Variants in LYST observed in about 807,000 individuals in gnomAD.
The protein encoded by LYST is lysosomal-trafficking regulator.
A neutral mutation model predicts 413.6 loss-of-function variants in LYST; 192 were observed. The observed-to-expected ratio is 0.46, with a 90% CI of 0.41 to 0.52. The LOEUF (loss-of-function observed/expected upper bound fraction) is 0.52, where lower values mean the gene tolerates loss of function less well. Among genes scored for constraint, LYST ranks in the 20% least tolerant of loss-of-function variants. The probability of loss-of-function intolerance (pLI) is 0.00; values close to 1 mark genes in which losing one functional copy is unlikely to be tolerated. For missense variants in LYST, 3,815 were observed against 4,499.9 expected (o/e 0.85, Z 4.35); for synonymous variants, 1,525 against 1,567.3 (o/e 0.97, Z 0.64).
rs552349495 is a variant in LYST at position 235,671,855 on chromosome 1, C to T, written c.11038+5236G>A. 1.6e-4 allele frequency among the ~76,000 whole-genome samples: 24 copies of T among 152,236 alleles called. No homozygotes were observed. In the South Asian group the frequency reaches 4.8e-3, roughly 30 times the overall value. ...CGATTTACCTTTATGAAATATAGAG[C>T]TACAGTGTGAAAGTTAGACTGAAAA... On this transcript the variant is annotated intron_variant, in intron 50 of 52. Coordinates refer to ENST00000389793, the MANE Select transcript of LYST (RefSeq NM_000081.4).
intron 50 of LYST, among the ~76,000 whole-genome samples, chr1:235,673,289 C>A (rs995932114): frequency 1.3e-4 from 20 of 152,052 alleles, no homozygotes; most frequent in African/African-American, 4.1e-4. Flanking sequence ...AAGTCAAGCT[C>A]ACCCCAAAAT....
rs1172802929 is a variant in LYST at position 235,664,657 on chromosome 1, T to C, written c.11039-36A>G. On this transcript the variant is annotated intron_variant, in intron 50 of 52. Coordinates refer to ENST00000389793, the MANE Select transcript of LYST (RefSeq NM_000081.4). The surrounding 1 kb of genome is among the most constrained non-coding windows in gnomAD (Gnocchi z 4.5). ...CAAATCATCCGGCGGGTTACCAGAA[T>C]GTGGCTGTCTCAGAGCCCACATTTG... The C allele has an allele frequency of 6.2e-7, 1 of 1,612,810 alleles. No individual in the cohort carries two copies. The highest frequency in any genetic ancestry group is 1.1e-5 in the South Asian group (1 of 91,044).
chr1:235,802,965 C>A lies in LYST; in HGVS notation c.3655G>T (p.Glu1219Ter). The A allele has an allele frequency of 6.2e-7, 1 of 1,613,602 alleles. No individual in the cohort carries two copies. Among genetic ancestry groups the A allele is most frequent in the Non-Finnish European group, 8.5e-7 (1 of 1,179,778 alleles). ...CTTTCACTATCTGCTTCGTAACCTT[C>A]TTCTTCAACTAAAAGTTTAAAACTA... ...CCSFKLLVEE[E>*]GYEADSESNP... is the part of the protein sequence containing the mutation. The change falls in exon 8 of 53, where the codon GAA becomes TAA. Residue 1219 changes from glutamate to a stop codon, truncating the protein, a stop_gained. Transcript: ENST00000389793. LOFTEE classifies it high-confidence loss of function.
intron 2 of LYST, among the ~76,000 whole-genome samples, chr1:235,832,186 C>G (rs1246600569): frequency 1.3e-5 from 2 of 152,158 alleles, no homozygotes; most frequent in Non-Finnish European, 2.9e-5. Context: ...AGGTATAGTA[C>G]CAGCAATGCA....
chr1:235,801,252 A>G (rs932829189), intron 8 of LYST, among the ~76,000 whole-genome samples, 155 bp from the exon 9 acceptor site: 4 of 152,184 alleles, frequency 2.6e-5, no homozygotes, highest in Non-Finnish European at 5.9e-5. Context: ...ACTTTTGACA[A>G]TGATATGGAA....
intron 1 of LYST, among the ~76,000 whole-genome samples, chr1:235,852,362 T>C (rs1357702877): frequency 6.6e-6 from 1 of 152,178 alleles, no homozygotes; most frequent in African/African-American, 2.4e-5. Context: ...CTCAAAGCCA[T>C]TTGTGGTAGC....
At chr1:235,881,102 C>T (rs753613822) in intron 1 of LYST, among the ~76,000 whole-genome samples, 5 of 152,156 alleles carry the variant, frequency 3.3e-5, no homozygotes, top group Non-Finnish European at 5.9e-5. Context: ...AACTGGGGTT[C>T]CTAACTCCAA....
intron 1 of LYST, among the ~76,000 whole-genome samples, chr1:235,872,794 T>G (rs1423000566): frequency 6.6e-6 from 1 of 152,086 alleles, no homozygotes; most frequent in Non-Finnish European, 1.5e-5. Flanking sequence ...TGCATGCCTG[T>G]AGTCCCAGCT....
At chr1:235,775,261 T>C (rs1257293211) in intron 17 of LYST, among the ~76,000 whole-genome samples, 175 bp from the exon 18 acceptor site, 1 of 152,188 alleles carries the variant, frequency 6.6e-6, no homozygotes, top group Admixed American at 6.5e-5. Context: ...GAGTAAGGCA[T>C]AAACTCCATG....
chr1:235,664,593 C>A lies in LYST; in HGVS notation c.11067G>T (p.Trp3689Cys), dbSNP rs1206412658. The change falls in exon 51 of 53, where the codon TGG (tryptophan) becomes TGT (cysteine). Residue 3689 changes from tryptophan to cysteine, a missense_variant. Around this residue, in one of 4 missense-constraint regions of LYST, gnomAD observed 866 missense variants for 1,156.0 expected, o/e 0.75. Transcript: ENST00000389793. The surrounding 1 kb of genome is among the most constrained non-coding windows in gnomAD (Gnocchi z 4.5). The part of the protein sequence containing the change: ...SAGGGSDLRL[W>C]TVNGDLVGHV... ...GTCCAACGAGATCCCCGTTCACCGT[C>A]CAGAGTCTGAGGTCACTGCCTCCGC... is the stretch of plus-strand genomic sequence containing the variant. The A allele has an allele frequency of 6.2e-7, 1 of 1,614,154 alleles. No individual in the cohort carries two copies. Among genetic ancestry groups the A allele is most frequent in the Non-Finnish European group, 8.5e-7 (1 of 1,180,028 alleles).
intron 28 of LYST, 29 bp from the exon 29 acceptor site, chr1:235,746,556 A>C: frequency 6.5e-7 from 1 of 1,528,438 alleles, no homozygotes; most frequent in Non-Finnish European, 9.0e-7. Context: ...TAAAACATCA[A>C]ATCCCAGTGT....
At chr1:235,874,445 A>C (rs1372958541) in intron 1 of LYST, among the ~76,000 whole-genome samples, 22 of 152,160 alleles carry the variant, frequency 1.4e-4, no homozygotes, top group Admixed American at 1.3e-3. Flanking sequence ...GCGCGGAGGG[A>C]CACCCAACTC....
At chr1:235,771,722 T>G (rs1225851696) in intron 19 of LYST, among the ~76,000 whole-genome samples, 1 of 152,026 alleles carries the variant, frequency 6.6e-6, no homozygotes, top group East Asian at 1.9e-4. Context: ...ATGGCAATAG[T>G]TAGTTGGCTG....
intron 6 of LYST, 66 bp from the exon 7 acceptor site, chr1:235,804,731 T>C: frequency 1.1e-6 from 1 of 923,538 alleles, no homozygotes; most frequent in Non-Finnish European, 1.7e-6. Context: ...GATGAAAAAA[T>C]AAATAATAAA....
At chr1:235,868,926 C>T (rs1177969662), upstream of LYST, among the ~76,000 whole-genome samples, 1 of 152,054 alleles carries the variant, frequency 6.6e-6, no homozygotes, top group African/African-American at 2.4e-5. Flanking sequence ...AACTCCTGAC[C>T]TCAGGTGATC....
chr1:235,857,782 C>T (rs61834661), intron 1 of LYST, among the ~76,000 whole-genome samples: 12,878 of 118,836 alleles, frequency 0.11, 677 homozygotes, highest in Non-Finnish European at 0.13. Flanking sequence ...CACACACACA[C>T]ACATATATAT....
At chr1:235,794,182 G>A (rs1014281493) in intron 10 of LYST, among the ~76,000 whole-genome samples, 1 of 151,978 alleles carries the variant, frequency 6.6e-6, no homozygotes, top group Non-Finnish European at 1.5e-5. Context: ...GTAAACTAAG[G>A]GCATTCTTTA....
chr1:235,686,959 G>C lies in LYST; in HGVS notation c.10790C>G (p.Thr3597Arg). 6.2e-7 allele frequency: 1 copy of C among 1,613,890 alleles called. No individual in the cohort carries two copies. Among genetic ancestry groups the C allele is most frequent in the Non-Finnish European group, 8.5e-7 (1 of 1,179,804 alleles). Reference protein sequence around the residue: ...GVITAYTNRFTSSTPSEIEME... With the variant: ...GVITAYTNRFRSSTPSEIEME... ...AAGCCCAGAACCTACCGTGCTGCTT[G>C]TAAATCTGTTTGTGTAGGCTGTGAT... The change falls in exon 48 of 53, where the codon ACA becomes AGA. Residue 3597 changes from threonine (T) to arginine (R), a missense_variant. Thr to Arg is a moderately conservative substitution (Grantham distance 71, BLOSUM62 -1). Around this residue, in one of 4 missense-constraint regions of LYST, gnomAD observed 866 missense variants for 1,156.0 expected, o/e 0.75. Coordinates refer to ENST00000389793, the MANE Select transcript of LYST (RefSeq NM_000081.4). The surrounding 1 kb of genome is among the most constrained non-coding windows in gnomAD (Gnocchi z 4.0).
At chr1:235,689,964 A>G (rs963260549) in intron 47 of LYST, among the ~76,000 whole-genome samples, 15 of 152,208 alleles carry the variant, frequency 9.9e-5, no homozygotes, top group African/African-American at 3.4e-4. Flanking sequence ...AAGCATCTTT[A>G]AAGTTATTTG....
Sources: gnomAD v4.1 joint callset for allele counts (sites outside exome capture counted in the v4.1 genomes callset) on GRCh38, gnomAD v4.1.1 for gene constraint, gnomAD v4.1.1 regional missense constraint, Gnocchi (gnomAD v3.1) non-coding constraint, MANE v1.5 for transcripts, NCBI Gene and HGNC (gene_info 2026-07-23, HGNC 2026-07-21) for gene names.